RIN2: variants seen among roughly 807,000 people sequenced by gnomAD.
RIN2 encodes the protein RAB5 interacting protein 2.
RIN2 carries 36 observed loss-of-function variants against 78.0 expected under a neutral mutation model. The ratio of observed to expected loss-of-function variants is 0.46; its 90% CI spans 0.35 to 0.61. RIN2 has a LOEUF of 0.61. Among genes scored for constraint, RIN2 ranks in the 20% least tolerant of loss-of-function variants. The pLI is 0.00. For missense variants in RIN2, 1,087 were observed against 1,159.7 expected, an observed-to-expected ratio of 0.94 and a Z score of 0.91; for synonymous variants, 466 against 466.8, an observed-to-expected ratio of 1.00 and a Z score of 0.02.
chr20:19,805,183 C>CG (rs1568767815), intron 2 of RIN2, among the ~76,000 whole-genome samples: 1 of 151,922 alleles, frequency 6.6e-6, no homozygotes, highest in Non-Finnish European at 1.5e-5. Flanking sequence ...AATTGGGATG[C>CG]GGGTATTTAT....
chr20:19,997,049 T>G (rs2042991272), intron 12 of RIN2, among the ~76,000 whole-genome samples: 1 of 152,080 alleles, frequency 6.6e-6, no homozygotes, highest in South Asian at 2.1e-4. Context: ...TTTGCTGTCT[T>G]TAAGAAAACC....
At chr20:19,938,273 C>A (rs1159445280) in intron 4 of RIN2, among the ~76,000 whole-genome samples, 1 of 152,188 alleles carries the variant, frequency 6.6e-6, no homozygotes, top group Non-Finnish European at 1.5e-5. Context: ...GGCTGGAGTG[C>A]AGTGGCACAA....
Position 19,883,337 on chromosome 20 carries a change from CTT to C in RIN2, c.-36-6209_-36-6208del, listed in dbSNP as rs35438191. ...AGCTTCCTACTCCAGAAAGAGAGGA[CTT>C]TTTTTTTTTTTTTTTTTTTAGACCT... On this transcript the variant is annotated intron_variant, in intron 2 of 12. Coordinates refer to ENST00000255006, the MANE Select transcript of RIN2 (RefSeq NM_018993.4). Among the ~76,000 whole-genome samples the C allele has an allele frequency of 4.3e-3, 506 of 118,492 alleles. 1 individual carries two copies. Among genetic ancestry groups the C allele is most frequent in the South Asian group, 0.02 (72 of 3,514 alleles). The allele number at this position is 118,492 out of a possible 152,430, so 77.7% of individuals were successfully genotyped here. A position where few individuals can be genotyped will look rare whatever the true frequency, so the allele number is the denominator to read the frequency against.
At chr20:19,966,576 C>T (rs620546) in intron 7 of RIN2, among the ~76,000 whole-genome samples, 4 of 151,868 alleles carry the variant, frequency 2.6e-5, no homozygotes, top group South Asian at 4.2e-4. Context: ...CGCCCGCCTC[C>T]GCCTCCCAAA....
At position 19,900,163 on chromosome 20, in the gene RIN2, G is replaced by C. The variant is rs1430866360; in HGVS notation, c.57+10505G>C. On this transcript the variant is annotated intron_variant, in intron 3 of 12. Coordinates refer to ENST00000255006, the MANE Select transcript of RIN2 (RefSeq NM_018993.4). Reference sequence around the variant, plus strand: ...CCAAGTGAGGGAGGCCAGAAATCTAGATTTTCATGTAAAATAATCCCAATT... The same window carrying C: ...CCAAGTGAGGGAGGCCAGAAATCTACATTTTCATGTAAAATAATCCCAATT... 2.0e-5 allele frequency among the ~76,000 whole-genome samples: 3 copies of C among 152,288 alleles called. No individual in the cohort carries two copies. The South Asian group carries it at 6.2e-4, about 32-fold the overall frequency.
chr20:19,950,756 G>A (rs1340348065), intron 4 of RIN2, among the ~76,000 whole-genome samples: 1 of 151,848 alleles, frequency 6.6e-6, no homozygotes, highest in Non-Finnish European at 1.5e-5. Flanking sequence ...TGTCACCCAG[G>A]CTGGAGTGCA....
Position 20,001,037 on chromosome 20 carries a change from G to A in RIN2, c.*101G>A, listed in dbSNP as rs767810578. ...GCTTGAAAAGCAGTCACCTCCTCGGGGACCCCTCAGTGTAGTGACTAAGCC... is the reference window on the plus strand; with the variant it reads ...GCTTGAAAAGCAGTCACCTCCTCGGAGACCCCTCAGTGTAGTGACTAAGCC... On this transcript the variant is annotated 3_prime_UTR_variant, in exon 13 of 13. Coordinates refer to ENST00000255006, the MANE Select transcript of RIN2 (RefSeq NM_018993.4). The A allele has an allele frequency of 3.8e-5, 44 of 1,158,602 alleles. No individual in the cohort carries two copies. Among genetic ancestry groups the A allele is most frequent in the Non-Finnish European group, 5.3e-5 (44 of 831,566 alleles). 71.8% of individuals were successfully genotyped at this position (1,158,602 alleles called of 1,614,324 possible). A position where few individuals can be genotyped will look rare whatever the true frequency, so the allele number is the denominator to read the frequency against.
chr20:19,912,404 G>T (rs932337373), intron 3 of RIN2, among the ~76,000 whole-genome samples: 11 of 151,972 alleles, frequency 7.2e-5, no homozygotes, highest in Admixed American at 2.0e-4. Context: ...GGCTCCAGGA[G>T]GCCTGTTCCC....
intron 7 of RIN2, among the ~76,000 whole-genome samples, chr20:19,970,464 G>A (rs566879926): frequency 9.2e-5 from 14 of 152,160 alleles, no homozygotes; most frequent in Non-Finnish European, 1.3e-4. Context: ...AGGCAGTTTC[G>A]GCCCAACATT....
intron 1 of RIN2, among the ~76,000 whole-genome samples, chr20:19,759,763 G>A (rs2122265624): frequency 6.6e-6 from 1 of 152,310 alleles, no homozygotes; most frequent in South Asian, 2.1e-4. Flanking sequence ...TACTCGGGAG[G>A]CTGAGGTGGG....
chr20:19,902,636 GTT>G (rs2039036133), intron 3 of RIN2, among the ~76,000 whole-genome samples: 1 of 152,158 alleles, frequency 6.6e-6, no homozygotes. Context: ...TCATTACAGG[GTT>G]TCTGCTTGCG....
intron 1 of RIN2, among the ~76,000 whole-genome samples, chr20:19,797,828 C>T (rs2035106087): frequency 6.6e-6 from 1 of 151,398 alleles, no homozygotes; most frequent in Non-Finnish European, 1.5e-5. Context: ...CTGCAATGGA[C>T]CAATGCTTTC....
chr20:20,000,789 G>A lies in RIN2; in HGVS notation c.2541G>A (p.Leu847=). The A allele has an allele frequency of 6.2e-7, 1 of 1,613,944 alleles. No individual in the cohort carries two copies. Among genetic ancestry groups the A allele is most frequent in the East Asian group, 2.2e-5 (1 of 44,888 alleles). The change falls in exon 13 of 13, where the codon CTG becomes CTA. Residue 847 remains leucine, a synonymous_variant. Transcript: ENST00000255006. ...FLFVDETWQQ[L]AEDTYPQKIK... ...TCGTTGACGAGACATGGCAGCAGCT[G>A]GCAGAGGACACTTACCCTCAAAAAA...
At chr20:19,949,043 G>T (rs2041210614) in intron 4 of RIN2, among the ~76,000 whole-genome samples, 1 of 148,364 alleles carries the variant, frequency 6.7e-6, no homozygotes, top group South Asian at 2.2e-4. Flanking sequence ...ACTTTGGGAG[G>T]CCAAGGCGGG....
At chr20:19,873,384 C>T (rs1477150290) in intron 2 of RIN2, among the ~76,000 whole-genome samples, 2 of 152,186 alleles carry the variant, frequency 1.3e-5, no homozygotes, top group African/African-American at 4.8e-5. Context: ...CTTCAGCCTG[C>T]CAATGTGCTG....
intron 11 of RIN2, among the ~76,000 whole-genome samples, chr20:19,995,238 A>G (rs976451833): frequency 1.3e-5 from 2 of 148,794 alleles, no homozygotes; most frequent in Non-Finnish European, 3.0e-5. Flanking sequence ...GCAGGAATAA[A>G]TTGCCAGTGT....
chr20:19,975,767 T>G lies in RIN2; in HGVS notation c.1742T>G (p.Leu581Arg). The G allele has an allele frequency of 1.9e-6, 3 of 1,611,290 alleles. No homozygotes were observed. The highest frequency in any genetic ancestry group is 2.5e-6 in the Non-Finnish European group (3 of 1,178,902). The change falls in exon 9 of 13, where the codon CTG becomes CGG. Residue 581 changes from leucine (L) to arginine (R), a missense_variant. Leu to Arg is a moderately radical substitution (Grantham distance 102). This residue lies in a region of RIN2 where 39 missense variants were observed against 34.9 expected (regional missense o/e 1.12). Transcript: ENST00000255006. This position sits in a 1 kb window ranked among gnomAD's most constrained non-coding sequence, Gnocchi z 4.9. ...GAGCTGGACCCCCCCATCGAGTCGC[T>G]GATCCCTGAAGACCAAATAGGTAAG... is the stretch of plus-strand genomic sequence containing the variant. Reference protein sequence around the residue: ...SSELDPPIESLIPEDQIDVVL... With the variant: ...SSELDPPIESRIPEDQIDVVL...
At chr20:19,936,777 A>G (rs2040662071) in intron 4 of RIN2, among the ~76,000 whole-genome samples, 1 of 152,228 alleles carries the variant, frequency 6.6e-6, no homozygotes, top group Non-Finnish European at 1.5e-5. Flanking sequence ...TAAGCAGTCC[A>G]CAACAGCCTT....
At chr20:19,900,197 A>C (rs1178528448) in intron 3 of RIN2, among the ~76,000 whole-genome samples, 2 of 152,194 alleles carry the variant, frequency 1.3e-5, no homozygotes, top group Admixed American at 1.3e-4. Context: ...TTTAAAAACT[A>C]TTCTGGCTGG....
Sources: allele counts gnomAD v4.1 joint callset (sites outside exome capture counted in the v4.1 genomes callset), GRCh38; gene constraint gnomAD v4.1.1; regional missense constraint gnomAD v4.1.1; non-coding constraint Gnocchi (gnomAD v3.1); transcripts MANE v1.5; gene names NCBI Gene and HGNC (gene_info 2026-07-23, HGNC 2026-07-21).